Variants in LPA observed in about 807,000 individuals in gnomAD.
LPA encodes apolipoprotein(a).
A neutral mutation model predicts 197.9 loss-of-function variants in LPA; 199 were observed. The ratio of observed to expected loss-of-function variants is 1.01; its 90% CI spans 0.90 to 1.13. The LOEUF (loss-of-function observed/expected upper bound fraction) is 1.13, where lower values mean the gene tolerates loss of function less well. Ranked by LOEUF, LPA falls within the 50% of genes most tolerant of loss-of-function variation. LPA has a pLI of 0.00. For synonymous variants in LPA, 715 were observed against 639.5 expected (o/e 1.12, Z -1.78); for missense variants, 1,853 against 1,785.8 (o/e 1.04, Z -0.68).
intron 38 of LPA, 141 bp from the exon 39 acceptor site, chr6:160,532,031 T>A: frequency 1.1e-6 from 1 of 948,438 alleles, no homozygotes; most frequent in South Asian, 1.4e-5. Context: ...TACTCAAGCA[T>A]CTGCAGTGCT....
At chr6:160,610,128 C>A (rs1471258195) in intron 16 of LPA, among the ~76,000 whole-genome samples, 3 of 151,886 alleles carry the variant, frequency 2.0e-5, no homozygotes, top group African/African-American at 7.3e-5. Context: ...GTTTGTATTG[C>A]CTGATTTATT....
rs762661316 is a variant in LPA at position 160,557,492 on chromosome 6, A to T, written c.4711T>A (p.Trp1571Arg). ...CATTGTGTCAGATTGCAGTACTCCCACCTCACACACGGATCGGTTGTGTAA... is the reference window on the plus strand; with the variant it reads ...CATTGTGTCAGATTGCAGTACTCCCTCCTCACACACGGATCGGTTGTGTAA... The part of the protein sequence containing the change: ...WCYTTDPCVR[W>R]EYCNLTQCSE... Residue 1571 changes from tryptophan (W) to arginine (R), a missense_variant, in exon 29 of 39, where the codon TGG (tryptophan) becomes AGG (arginine). Physicochemically the swap from Trp to Arg is moderately radical, Grantham distance 101. This residue lies in a region of LPA where 1,737 missense variants were observed against 1,504.4 expected (regional missense o/e 1.15). Coordinates refer to ENST00000316300, the MANE Select transcript of LPA (RefSeq NM_005577.4). 8.1e-6 allele frequency: 13 copies of T among 1,612,802 alleles called. No individual in the cohort carries two copies. The South Asian group carries it at 1.3e-4, about 16-fold the overall frequency.
Position 160,651,289 on chromosome 6 carries a change from G to T in LPA, c.50-792C>A, listed in dbSNP as rs192155448. On this transcript the variant is annotated intron_variant, in intron 1 of 38. Transcript: ENST00000316300. ...AAGAAGAAACAGCAGTTTCAATGGG[G>T]TTAGATTATGTGTATGAAGATATCC... is the stretch of plus-strand genomic sequence containing the variant. Among the ~76,000 whole-genome samples the T allele has an allele frequency of 3.8e-4, 58 of 152,280 alleles. No individual in the cohort carries two copies. The East Asian group carries it at 4.2e-3, about 11-fold the overall frequency.
intron 20 of LPA, among the ~76,000 whole-genome samples, chr6:160,598,798 C>A (rs1238489934): frequency 6.6e-6 from 1 of 152,158 alleles, no homozygotes; most frequent in Non-Finnish European, 1.5e-5. Context: ...TTTGCCTCTC[C>A]ATAGATGTGC....
In LPA at chr6:160,537,918, A is replaced by G; in HGVS notation, c.5779T>C (p.Ser1927Pro). Residue 1927 changes from serine (S) to proline (P), a missense_variant, in exon 37 of 39, where the codon TCC becomes CCC. Transcript: ENST00000316300. ...CTGGCGGTGACCATGTAGTCTGGGG[A>G]TGGCAGACAAGCTGGCATTACTTTG... ...TDKVMPACLP[S>P]PDYMVTARTE... 6.2e-7 allele frequency: 1 copy of G among 1,614,226 alleles called. No homozygotes were observed. Among genetic ancestry groups the G allele is most frequent in the Non-Finnish European group, 8.5e-7 (1 of 1,180,038 alleles).
At position 160,605,325 on chromosome 6, in the gene LPA, C is replaced by A; in HGVS notation, c.2786-120G>T. 4.2e-6 allele frequency: 5 copies of A among 1,185,686 alleles called. No homozygotes were observed. In the South Asian group the frequency reaches 6.1e-5, roughly 15 times the overall value. 73.4% of individuals were successfully genotyped at this position (1,185,686 alleles called of 1,614,324 possible). A position where few individuals can be genotyped will look rare whatever the true frequency, so the allele number is the denominator to read the frequency against. On this transcript the variant is annotated intron_variant, in intron 17 of 38. Coordinates refer to ENST00000316300, the MANE Select transcript of LPA (RefSeq NM_005577.4). ...GAATTATGACCTCAGGAGAATATGA[C>A]AAGTAACATTCTTGTTTCTTTATTT...
Position 160,585,141 on chromosome 6 carries a change from G to A in LPA, c.4194C>T (p.Gly1398=), listed in dbSNP as rs750930392. Residue 1398 remains glycine, a synonymous_variant, in exon 26 of 39, where the codon GGC becomes GGT. Transcript: ENST00000316300. ...CYRGDGQSYR[G]TLSTTITGRT... ...TTCCTGTGATAGTGGTGGAGAGTGT[G>A]CCTCGATAACTCTGTCCATCACCTC... 6.2e-7 allele frequency: 1 copy of A among 1,613,806 alleles called. No homozygotes were observed. The highest frequency in any genetic ancestry group is 8.5e-7 in the Non-Finnish European group (1 of 1,179,796).
At chr6:160,661,383 G>A (rs1453236665) in intron 1 of LPA, among the ~76,000 whole-genome samples, 1 of 152,186 alleles carries the variant, frequency 6.6e-6, no homozygotes, top group African/African-American at 2.4e-5. Context: ...TACAGGGTCA[G>A]GGGAGGTTCT....
rs534148033 is a variant in LPA at position 160,634,633 on chromosome 6, G to A, written c.1075+490C>T. ...ACTGAAGAGCCTTAGAGCATTGGGA[G>A]CTCATATACTGCTCCATAGACCCAG... On this transcript the variant is annotated intron_variant, in intron 7 of 38. Transcript: ENST00000316300. Among the ~76,000 whole-genome samples, 187 of 149,842 alleles carry A rather than the reference G, an allele frequency of 1.2e-3. 1 individual carries two copies. Among genetic ancestry groups the A allele is most frequent in the African/African-American group, 4.5e-3 (180 of 39,826 alleles).
intron 20 of LPA, 122 bp from the exon 21 acceptor site, chr6:160,595,657 T>C: frequency 2.2e-6 from 3 of 1,392,232 alleles, no homozygotes; most frequent in Non-Finnish European, 3.0e-6. Flanking sequence ...TCACTAAAGG[T>C]CCCATAATAT....
At chr6:160,589,404 T>G in intron 24 of LPA, 149 bp downstream of exon 24, 10 of 903,708 alleles carry the variant, frequency 1.1e-5, no homozygotes, top group Non-Finnish European at 1.8e-5. Context: ...TCTCAGACCC[T>G]GTGCCCAAAG....
At chr6:160,547,294 A>G (rs992089885) in intron 32 of LPA, among the ~76,000 whole-genome samples, 6 of 152,198 alleles carry the variant, frequency 3.9e-5, no homozygotes, top group African/African-American at 1.2e-4. Flanking sequence ...CATGCAATCT[A>G]GATTCCTCAC....
chr6:160,611,005 A>G (rs1779495239), intron 16 of LPA, among the ~76,000 whole-genome samples: 1 of 151,532 alleles, frequency 6.6e-6, no homozygotes, highest in Admixed American at 6.6e-5. Context: ...CTCTGTGCTG[A>G]CTCTCATCTG....
chr6:160,599,772 A>T lies in LPA; in HGVS notation c.3128-113T>A, dbSNP rs1779203369. ...TCACTGAGATTTACAACCATTCTCT[A>T]TTCTTTATTAATAGGCAAATGGACA... On this transcript the variant is annotated intron_variant, in intron 19 of 38. Transcript: ENST00000316300. 2.6e-6 allele frequency: 3 copies of T among 1,168,552 alleles called. No homozygotes were observed. The South Asian group carries it at 3.8e-5, about 15-fold the overall frequency. 72.4% of individuals were successfully genotyped at this position (1,168,552 alleles called of 1,614,324 possible). A position where few individuals can be genotyped will look rare whatever the true frequency, so the allele number is the denominator to read the frequency against.
rs1244234188 is a variant in LPA, at chr6:160,634,555, C to T, written c.1075+568G>A. Among the ~76,000 whole-genome samples, 42 of 142,434 alleles carry T rather than the reference C, an allele frequency of 2.9e-4. 2 individuals are homozygous for T. Among genetic ancestry groups the T allele is most frequent in the Admixed American group, 1.4e-3 (21 of 14,522 alleles). 93.4% of individuals were successfully genotyped at this position (142,434 alleles called of 152,430 possible). A position where few individuals can be genotyped will look rare whatever the true frequency, so the allele number is the denominator to read the frequency against. ...TCTAGACCCCTCACAGGTACAAGTGCCATCAGAAAGAGGTTTAAGAACACT... is the reference window on the plus strand; with the variant it reads ...TCTAGACCCCTCACAGGTACAAGTGTCATCAGAAAGAGGTTTAAGAACACT... On this transcript the variant is annotated intron_variant, in intron 7 of 38. Transcript: ENST00000316300.
intron 21 of LPA, 52 bp downstream of exon 21, chr6:160,595,302 T>A: frequency 5.6e-6 from 9 of 1,604,900 alleles, no homozygotes; most frequent in Non-Finnish European, 7.6e-6. Context: ...ATTTTGCAAC[T>A]CTTTTCATCC....
At chr6:160,654,468 G>T (rs1780097295) in intron 1 of LPA, among the ~76,000 whole-genome samples, 1 of 151,902 alleles carries the variant, frequency 6.6e-6, no homozygotes, top group Non-Finnish European at 1.5e-5. Context: ...TTAATACTTT[G>T]CATCTTTCAA....
intron 20 of LPA, among the ~76,000 whole-genome samples, chr6:160,598,797 C>G (rs1282697238): frequency 6.6e-6 from 1 of 152,162 alleles, no homozygotes; most frequent in Non-Finnish European, 1.5e-5. Flanking sequence ...ATTTGCCTCT[C>G]CATAGATGTG....
intron 37 of LPA, 49 bp downstream of exon 37, chr6:160,537,806 A>G: frequency 6.6e-7 from 1 of 1,524,420 alleles, no homozygotes; most frequent in Non-Finnish European, 9.1e-7. Flanking sequence ...TGTAACATGC[A>G]CTGAAGGTCA....
Sources: gnomAD v4.1 joint callset for allele counts (sites outside exome capture counted in the v4.1 genomes callset) on GRCh38, gnomAD v4.1.1 for gene constraint, gnomAD v4.1.1 regional missense constraint, MANE v1.5 for transcripts, NCBI Gene and HGNC (gene_info 2026-07-23, HGNC 2026-07-21) for gene names.